GRIK1: variants seen among roughly 807,000 people sequenced by gnomAD.
The protein encoded by GRIK1 is glutamate receptor ionotropic, kainate 1.
GRIK1 carries 69 observed loss-of-function variants against 105.7 expected under a neutral mutation model. The ratio of observed to expected loss-of-function variants is 0.65; its 90% CI spans 0.54 to 0.80. The LOEUF (loss-of-function observed/expected upper bound fraction) is 0.80. GRIK1 is among the 30% of genes least tolerant of loss of function. The pLI is 0.00. For synonymous variants in GRIK1, 438 were observed against 431.3 expected, an observed-to-expected ratio of 1.02 and a Z score of -0.19; for missense variants, 1,109 against 1,167.3, an observed-to-expected ratio of 0.95 and a Z score of 0.73.
intron 7 of GRIK1, among the ~76,000 whole-genome samples, chr21:29,624,943 G>C (rs113488777): frequency 0.02 from 3,118 of 152,280 alleles, 40 homozygotes; most frequent in South Asian, 0.036. Flanking sequence ...GTTTGATCCA[G>C]GCCTTTCTTC....
chr21:29,652,393 G>C (rs1384925173), intron 5 of GRIK1, among the ~76,000 whole-genome samples: 1 of 152,156 alleles, frequency 6.6e-6, no homozygotes, highest in Non-Finnish European at 1.5e-5. Context: ...TACAACGAGG[G>C]CATGAAGAAT....
intron 1 of GRIK1, among the ~76,000 whole-genome samples, chr21:29,801,354 T>C (rs949365996): frequency 6.6e-6 from 1 of 151,942 alleles, no homozygotes; most frequent in Non-Finnish European, 1.5e-5. Context: ...GCTGACACGG[T>C]CCAAAAAGTG....
chr21:29,740,815 C>G (rs1181116452), intron 1 of GRIK1, among the ~76,000 whole-genome samples: 1 of 152,164 alleles, frequency 6.6e-6, no homozygotes, highest in Non-Finnish European at 1.5e-5. Flanking sequence ...TCATTATACC[C>G]GTGACAAGGC....
At chr21:29,564,724 ATACCAC>A (rs1331901340) in intron 14 of GRIK1, among the ~76,000 whole-genome samples, 4 of 152,224 alleles carry the variant, frequency 2.6e-5, no homozygotes, top group African/African-American at 7.2e-5. Flanking sequence ...TATGTAGGTC[ATACCAC>A]CTGTGACTCA....
chr21:29,831,920 C>G (rs1475054682), intron 1 of GRIK1, among the ~76,000 whole-genome samples: 1 of 152,096 alleles, frequency 6.6e-6, no homozygotes, highest in Non-Finnish European at 1.5e-5. Context: ...CAAGGTAAGT[C>G]CCTTTCACCT....
At chr21:29,791,352 C>G (rs183332586) in intron 1 of GRIK1, among the ~76,000 whole-genome samples, 1 of 152,168 alleles carries the variant, frequency 6.6e-6, no homozygotes, top group Admixed American at 6.5e-5. Context: ...GGTTTGGGGG[C>G]ACTGAAGCCT....
At chr21:29,586,784 G>A (rs142284950) in intron 12 of GRIK1, among the ~76,000 whole-genome samples, 1 of 152,106 alleles carries the variant, frequency 6.6e-6, no homozygotes, top group African/African-American at 2.4e-5. Flanking sequence ...ATAGCACAAA[G>A]GTTTCATGCC....
Position 29,654,800 on chromosome 21 carries a change from A to G in GRIK1, c.780+10T>C. ...ACCATGTGGAATACATTTCTCCCAG[A>G]TGCACTTACCAGGGTTGTGAAAAAG... On this transcript the variant is annotated intron_variant, in intron 5 of 17. Transcript: ENST00000327783. The G allele has an allele frequency of 6.7e-7, 1 of 1,488,000 alleles. No homozygotes were observed. Among genetic ancestry groups the G allele is most frequent in the Non-Finnish European group, 9.4e-7 (1 of 1,064,682 alleles). 92.2% of individuals were successfully genotyped at this position (1,488,000 alleles called of 1,614,324 possible). A position where few individuals can be genotyped will look rare whatever the true frequency, so the allele number is the denominator to read the frequency against.
At chr21:29,657,222 T>G (rs2062871455) in intron 4 of GRIK1, among the ~76,000 whole-genome samples, 1 of 152,246 alleles carries the variant, frequency 6.6e-6, no homozygotes, top group African/African-American at 2.4e-5. Flanking sequence ...AAAATTTTGT[T>G]TCTGAAACTG....
chr21:29,572,713 G>A (rs2090780807), intron 14 of GRIK1, among the ~76,000 whole-genome samples: 1 of 151,848 alleles, frequency 6.6e-6, no homozygotes, highest in Non-Finnish European at 1.5e-5. Context: ...GCCTGTCTGT[G>A]CCTCATTTTC....
rs118034214 is a variant in GRIK1 at position 29,668,703 on chromosome 21, A to G, written c.726+4280T>C. ...CTTAGCACCCAGCATCCTGCTAGGTACAAGTTGAGAATTCCATAGGTAGAG... is the reference window on the plus strand; with the variant it reads ...CTTAGCACCCAGCATCCTGCTAGGTGCAAGTTGAGAATTCCATAGGTAGAG... On this transcript the variant is annotated intron_variant, in intron 4 of 17. Transcript: ENST00000327783. Among the ~76,000 whole-genome samples the G allele has an allele frequency of 5.0e-3, 757 of 152,364 alleles. 7 individuals are homozygous for G. The highest frequency in any genetic ancestry group is 8.4e-3 in the Non-Finnish European group (574 of 68,026).
At chr21:29,681,065 G>A (rs946693126) in intron 3 of GRIK1, among the ~76,000 whole-genome samples, 4 of 152,164 alleles carry the variant, frequency 2.6e-5, no homozygotes, top group African/African-American at 9.7e-5. Context: ...CACAGGTGGT[G>A]GAGGTTGCAG....
At chr21:29,803,752 T>C (rs1395027987) in intron 1 of GRIK1, among the ~76,000 whole-genome samples, 1 of 152,120 alleles carries the variant, frequency 6.6e-6, no homozygotes, top group Non-Finnish European at 1.5e-5. Flanking sequence ...TATGTTTTTT[T>C]TTCCCAGCTA....
At chr21:29,555,412 C>T in intron 15 of GRIK1, 110 bp from the exon 16 acceptor site, 2 of 964,492 alleles carry the variant, frequency 2.1e-6, no homozygotes, top group Non-Finnish European at 3.1e-6. Context: ...TTGTGAGACC[C>T]CAATCCACAA....
chr21:29,752,223 A>G (rs1751972328), intron 1 of GRIK1, among the ~76,000 whole-genome samples: 2 of 152,198 alleles, frequency 1.3e-5, no homozygotes, highest in Non-Finnish European at 2.9e-5. Context: ...AGATAAGGTC[A>G]GAGCTAGAAT....
At chr21:29,907,142 T>C (rs13049686) in intron 1 of GRIK1, among the ~76,000 whole-genome samples, 1 of 151,900 alleles carries the variant, frequency 6.6e-6, no homozygotes, top group African/African-American at 2.4e-5. Context: ...GCTTTTTTTG[T>C]TTTTGTTTTT....
intron 1 of GRIK1, among the ~76,000 whole-genome samples, chr21:29,935,016 C>T (rs888673256): frequency 6.6e-6 from 1 of 152,134 alleles, no homozygotes; most frequent in Non-Finnish European, 1.5e-5. Context: ...TTAGGACCAA[C>T]ATGATTTTGA....
intron 16 of GRIK1, among the ~76,000 whole-genome samples, chr21:29,540,336 G>A (rs560327008): frequency 2.0e-5 from 3 of 152,198 alleles, no homozygotes; most frequent in South Asian, 4.1e-4. Flanking sequence ...ATCAGTGGGC[G>A]GCTTTCTTGG....
At chr21:29,750,598 G>A (rs1244173472) in intron 1 of GRIK1, among the ~76,000 whole-genome samples, 1 of 152,148 alleles carries the variant, frequency 6.6e-6, no homozygotes, top group African/African-American at 2.4e-5. Context: ...TGTAAAGGTA[G>A]GACGCCAAGC....
Sources: gnomAD v4.1 joint callset for allele counts (sites outside exome capture counted in the v4.1 genomes callset) on GRCh38, gnomAD v4.1.1 for gene constraint, MANE v1.5 for transcripts, NCBI Gene and HGNC (gene_info 2026-07-23, HGNC 2026-07-21) for gene names.